TTLL7: variants seen among roughly 807,000 people sequenced by gnomAD.
The protein encoded by TTLL7 is tubulin tyrosine ligase like 7.
Under a neutral mutation model 120.2 loss-of-function variants are expected in TTLL7, and 53 were observed. The ratio of observed to expected loss-of-function variants is 0.44; its 90% CI spans 0.35 to 0.55. The LOEUF (loss-of-function observed/expected upper bound fraction) is 0.55. Among genes scored for constraint, TTLL7 ranks in the 20% least tolerant of loss-of-function variants. The probability of loss-of-function intolerance (pLI) is 0.00; values close to 1 mark genes in which losing one functional copy is unlikely to be tolerated. For synonymous variants in TTLL7, 353 were observed against 351.7 expected (o/e 1.00, Z -0.04); for missense variants, 803 against 1,054.7 (o/e 0.76, Z 3.31).
intron 1 of TTLL7, among the ~76,000 whole-genome samples, chr1:83,953,826 T>C (rs1332493472): frequency 6.6e-6 from 1 of 152,118 alleles, no homozygotes; most frequent in Admixed American, 6.5e-5. Flanking sequence ...ACATAATATA[T>C]AGACATATGA....
chr1:83,968,763 T>C (rs2100562732), intron 1 of TTLL7, among the ~76,000 whole-genome samples: 1 of 152,154 alleles, frequency 6.6e-6, no homozygotes, highest in Middle Eastern at 3.4e-3. Context: ...TGTATTATTG[T>C]CAAATAGAAT....
intron 10 of TTLL7, among the ~76,000 whole-genome samples, chr1:83,926,878 A>T (rs562060185): frequency 4.6e-5 from 7 of 152,308 alleles, no homozygotes; most frequent in Admixed American, 2.0e-4. Context: ...CTTCTTATTA[A>T]CCCAGTAAAA....
chr1:83,973,519 T>C (rs1417160107), intron 1 of TTLL7, among the ~76,000 whole-genome samples: 1 of 152,090 alleles, frequency 6.6e-6, no homozygotes, highest in Non-Finnish European at 1.5e-5. Flanking sequence ...TCCAACTTTG[T>C]TCTTCTCCTT....
chr1:83,908,907 T>C (rs1222947343), intron 15 of TTLL7, among the ~76,000 whole-genome samples: 1 of 152,058 alleles, frequency 6.6e-6, no homozygotes, highest in Non-Finnish European at 1.5e-5. Flanking sequence ...AAAGGTATAC[T>C]TATTTAAGCT....
At chr1:83,931,360 C>G (rs75281885) in intron 9 of TTLL7, among the ~76,000 whole-genome samples, 1 of 152,070 alleles carries the variant, frequency 6.6e-6, no homozygotes, top group South Asian at 2.1e-4. Context: ...GCTGTTCCCT[C>G]TGCACCACAG....
intron 18 of TTLL7, among the ~76,000 whole-genome samples, chr1:83,895,271 T>C (rs1656114159): frequency 6.6e-6 from 1 of 152,130 alleles, no homozygotes; most frequent in African/African-American, 2.4e-5. Flanking sequence ...GTCTATCATT[T>C]AGTAGGTTCC....
chr1:83,956,290 T>G lies in TTLL7; in HGVS notation c.-176-3903A>C, dbSNP rs570443468. Reference sequence around the variant, plus strand: ...TATTTTTATTTATTTATTTATGTATTTATTTATTTATTATTTTAGAGATGG... The same window carrying G: ...TATTTTTATTTATTTATTTATGTATGTATTTATTTATTATTTTAGAGATGG... On this transcript the variant is annotated intron_variant, in intron 1 of 20. Transcript: ENST00000260505. Among the ~76,000 whole-genome samples, 14 of 150,866 alleles carry G rather than the reference T, an allele frequency of 9.3e-5. No homozygotes were observed. The East Asian group carries it at 2.3e-3, about 25-fold the overall frequency.
chr1:83,986,137 A>G (rs10874426), intron 1 of TTLL7, among the ~76,000 whole-genome samples: 79,066 of 152,018 alleles, frequency 0.52, 21,107 homozygotes, highest in Non-Finnish European at 0.59. Context: ...TATTTCATTC[A>G]CTTAGATGCA....
At chr1:83,988,207 A>G (rs1313034965) in intron 1 of TTLL7, among the ~76,000 whole-genome samples, 6 of 151,656 alleles carry the variant, frequency 4.0e-5, no homozygotes, top group Admixed American at 3.3e-4. Context: ...GCTGCAAAAG[A>G]TATCTCATTC....
intron 1 of TTLL7, among the ~76,000 whole-genome samples, chr1:83,961,851 T>C (rs17130475): frequency 0.041 from 6,260 of 152,200 alleles, 153 homozygotes; most frequent in Middle Eastern, 0.099. Flanking sequence ...CACTCACATT[T>C]GTCAATCCAT....
chr1:83,951,344 CAA>C (rs1317889708), intron 3 of TTLL7, among the ~76,000 whole-genome samples: 9 of 111,088 alleles, frequency 8.1e-5, no homozygotes, highest in Admixed American at 1.9e-4. Context: ...AACTCCGCCT[CAA>C]AAAAAAAAAA....
Position 83,917,660 on chromosome 1 carries a change from A to G in TTLL7, c.1531T>C (p.Cys511Arg). 6.2e-7 allele frequency: 1 copy of G among 1,613,294 alleles called. No individual in the cohort carries two copies. Among genetic ancestry groups the G allele is most frequent in the Admixed American group, 1.7e-5 (1 of 59,976 alleles). ...EEDILDLLEQ[C>R]EIDDEKLMGK... ...ATCAACTTTTCATCATCAATTTCAC[A>G]TTGCTCCAGAAGATCCAAAATATCT... is the stretch of plus-strand genomic sequence containing the variant. Residue 511 changes from cysteine (C) to arginine (R), a missense_variant, in exon 14 of 21, where the codon TGT becomes CGT. By Grantham distance (180) the Cys-to-Arg change is radical. Transcript: ENST00000260505.
rs1657641366 is a variant in TTLL7 at position 83,911,149 on chromosome 1, G to C, written c.1786+16C>G. The C allele has an allele frequency of 1.3e-6, 2 of 1,582,900 alleles. No homozygotes were observed. ...AATTCTTTATATAACATCTAAATTA[G>C]AAGAAATTGACTTACTGGGTTGTTG... On this transcript the variant is annotated intron_variant, in intron 15 of 20. Transcript: ENST00000260505.
intron 1 of TTLL7, among the ~76,000 whole-genome samples, chr1:83,953,502 T>G (rs1571296184): frequency 6.6e-6 from 1 of 152,094 alleles, no homozygotes; most frequent in Non-Finnish European, 1.5e-5. Context: ...TAAAGAAAAT[T>G]TAGGGTTTTA....
chr1:83,960,448 G>C (rs1400646840), intron 1 of TTLL7, among the ~76,000 whole-genome samples: 1 of 152,064 alleles, frequency 6.6e-6, no homozygotes, highest in African/African-American at 2.4e-5. Context: ...AATAGCAGCA[G>C]GACTTGGTGA....
At chr1:83,934,150 A>G (rs971854593) in intron 8 of TTLL7, among the ~76,000 whole-genome samples, 5 of 152,144 alleles carry the variant, frequency 3.3e-5, no homozygotes, top group African/African-American at 1.2e-4. Context: ...ACAAGCTGAT[A>G]TTTTTCTTTT....
At chr1:83,963,628 T>C (rs966460377) in intron 1 of TTLL7, among the ~76,000 whole-genome samples, 1 of 152,098 alleles carries the variant, frequency 6.6e-6, no homozygotes, top group Non-Finnish European at 1.5e-5. Context: ...CAGGTTTCCT[T>C]ACATGTTTCC....
At chr1:83,873,089 A>G (rs1310231000) in intron 20 of TTLL7, among the ~76,000 whole-genome samples, 1 of 152,196 alleles carries the variant, frequency 6.6e-6, no homozygotes, top group African/African-American at 2.4e-5. Context: ...TTTTTTCAGA[A>G]ATATGAAGTA....
At chr1:83,891,357 A>T (rs1469686157) in intron 18 of TTLL7, among the ~76,000 whole-genome samples, 2 of 152,152 alleles carry the variant, frequency 1.3e-5, no homozygotes, top group Non-Finnish European at 2.9e-5. Flanking sequence ...AAGAACAAAA[A>T]TTAAGGCTAT....
Sources: gnomAD v4.1 joint callset for allele counts (sites outside exome capture counted in the v4.1 genomes callset) on GRCh38, gnomAD v4.1.1 for gene constraint, MANE v1.5 for transcripts, NCBI Gene and HGNC (gene_info 2026-07-23, HGNC 2026-07-21) for gene names.